The following C11orf65 variants were observed in gnomAD, a reference collection of about 807,000 sequenced individuals.
C11orf65 encodes protein MFI.
C11orf65 carries 38 observed loss-of-function variants against 35.3 expected under a neutral mutation model. The ratio of observed to expected loss-of-function variants is 1.08; its 90% confidence interval spans 0.83 to 1.41. The LOEUF (loss-of-function observed/expected upper bound fraction) is 1.41. Ranked by LOEUF, C11orf65 falls within the 40% of genes most tolerant of loss-of-function variation. The pLI, the probability that C11orf65 is intolerant of heterozygous loss-of-function variation, is 0.00. For missense variants in C11orf65, 370 were observed against 367.1 expected (o/e 1.01, Z -0.06); for synonymous variants, 105 against 114.4 (o/e 0.92, Z 0.53).
rs58165074 is a variant in C11orf65, at chr11:108,316,753, CAAAAA to C, written c.641-7687_641-7683del. On this transcript the variant is annotated intron_variant, in intron 6 of 6. Coordinates refer to the C11orf65 transcript ENST00000525729. The stretch of plus-strand genomic sequence containing the variant: ...TGAAACCCCGTCTCTACTAAAAATA[CAAAAA>C]AAAAAAAAAAAAAAAAAATTAGCCG... Among the ~76,000 whole-genome samples the C allele has an allele frequency of 2.2e-4, 16 of 72,426 alleles. No homozygotes were observed. The South Asian group carries it at 5.3e-3, about 24-fold the overall frequency. 47.5% of individuals were successfully genotyped at this position (72,426 alleles called of 152,430 possible).
At chr11:108,413,077 A>G (rs2092683694) in intron 3 of C11orf65, among the ~76,000 whole-genome samples, 1 of 152,192 alleles carries the variant, frequency 6.6e-6, no homozygotes, top group African/African-American at 2.4e-5. Flanking sequence ...ACTGGATCCA[A>G]TTGACATTTA....
At chr11:108,411,122 T>C (rs548192802) in intron 3 of C11orf65, among the ~76,000 whole-genome samples, 7 of 152,306 alleles carry the variant, frequency 4.6e-5, no homozygotes, top group African/African-American at 1.7e-4. Context: ...CATTTAGAGG[T>C]ATAAATTTCT....
intron 3 of C11orf65, among the ~76,000 whole-genome samples, chr11:108,420,551 A>G (rs2092801047): frequency 6.6e-6 from 1 of 152,184 alleles, no homozygotes; most frequent in East Asian, 1.9e-4. Context: ...GTTCTTTGCA[A>G]TTAGGGTAGA....
rs1446833138 is a variant in C11orf65, at chr11:108,405,517, C to T, written c.472G>A (p.Glu158Lys). 6.2e-7 allele frequency: 1 copy of T among 1,613,402 alleles called. No homozygotes were observed. The highest frequency in any genetic ancestry group is 1.3e-5 in the African/African-American group (1 of 74,904). The stretch of plus-strand genomic sequence containing the variant: ...AGTTTAGAGAAATGGAATTCACTTT[C>T]CTTTTTGTCTTCCACCACCATACCA... The part of the protein sequence containing the change: ...TDGMVVEDKK[E>K]SEFHFSKLKR... Residue 158 changes from glutamate to lysine, a missense_variant, in exon 6 of 9, where the codon GAA becomes AAA. Transcript: ENST00000393084.
At chr11:108,450,707 C>T (rs988991373) in intron 2 of C11orf65, among the ~76,000 whole-genome samples, 10 of 150,864 alleles carry the variant, frequency 6.6e-5, no homozygotes, top group Admixed American at 2.0e-4. Flanking sequence ...TACACCAACA[C>T]GGCACATGTA....
chr11:108,446,686 A>T (rs2093265806), intron 2 of C11orf65, among the ~76,000 whole-genome samples: 1 of 152,128 alleles, frequency 6.6e-6, no homozygotes, highest in Non-Finnish European at 1.5e-5. Flanking sequence ...TCATGCCAAA[A>T]TGTAAAGACC....
chr11:108,366,472 T>A (rs2091337325), intron 2 of C11orf65: 1 of 224,392 alleles, frequency 4.5e-6, no homozygotes, highest in South Asian at 1.8e-4. Context: ...TTCTATTAAA[T>A]TTAGTTCCTG....
chr11:108,438,179 G>A (rs535867189), intron 2 of C11orf65, among the ~76,000 whole-genome samples: 15 of 152,232 alleles, frequency 9.9e-5, no homozygotes, highest in East Asian at 3.9e-4. Context: ...AAATGTATCC[G>A]TGACAATTAT....
At chr11:108,377,432 C>G (rs899049581) in intron 2 of C11orf65, among the ~76,000 whole-genome samples, 197 of 152,134 alleles carry the variant, frequency 1.3e-3, no homozygotes, top group African/African-American at 4.2e-3. Context: ...ATTCAACAAC[C>G]CTTCATGCTA....
chr11:108,374,241 G>C (rs377125416), intron 2 of C11orf65, among the ~76,000 whole-genome samples: 14 of 152,324 alleles, frequency 9.2e-5, no homozygotes, highest in African/African-American at 3.4e-4. Context: ...GCACCCCCCA[G>C]TGGGGCAGAC....
intron 3 of C11orf65, among the ~76,000 whole-genome samples, chr11:108,426,493 AAG>A (rs2092904172): frequency 6.6e-6 from 1 of 152,188 alleles, no homozygotes; most frequent in South Asian, 2.1e-4. Flanking sequence ...TCAAGGAAAT[AAG>A]AGAGGACACA....
chr11:108,324,565 G>C (rs1166211602), intron 6 of C11orf65, among the ~76,000 whole-genome samples: 2 of 152,108 alleles, frequency 1.3e-5, no homozygotes, highest in Non-Finnish European at 2.9e-5. Context: ...GGGTCATTTA[G>C]AGAGGAATTG....
chr11:108,386,154 C>G (rs1247993290), intron 7 of C11orf65, among the ~76,000 whole-genome samples, 179 bp from the exon 8 acceptor site: 3 of 152,202 alleles, frequency 2.0e-5, no homozygotes, highest in Non-Finnish European at 4.4e-5. Context: ...TAAGAACCTT[C>G]AGGACAAGGA....
intron 1 of C11orf65, among the ~76,000 whole-genome samples, chr11:108,463,983 G>A (rs972939561): frequency 2.1e-5 from 3 of 145,920 alleles, no homozygotes; most frequent in Admixed American, 7.1e-5. Context: ...CTGGAGTGCA[G>A]AGACATCATC....
chr11:108,454,799 A>G (rs1016948384), intron 2 of C11orf65, among the ~76,000 whole-genome samples: 2 of 151,994 alleles, frequency 1.3e-5, no homozygotes, highest in African/African-American at 2.4e-5. Flanking sequence ...AGATTTGCCA[A>G]TTTTGTTTAT....
chr11:108,355,046 C>G (rs1195124811), intron 2 of C11orf65: 2 of 626,182 alleles, frequency 3.2e-6, no homozygotes, highest in African/African-American at 3.7e-5. Context: ...TCCAAAAATA[C>G]TGGTTTAGAA....
At chr11:108,312,373 T>C in intron 6 of C11orf65, 1 of 1,451,902 alleles carries the variant, frequency 6.9e-7, no homozygotes. Flanking sequence ...TTCCAAATAG[T>C]ATGTTCTCAT....
chr11:108,348,859 C>G (rs1372255365), intron 2 of C11orf65, among the ~76,000 whole-genome samples: 1 of 152,006 alleles, frequency 6.6e-6, no homozygotes, highest in Non-Finnish European at 1.5e-5. Flanking sequence ...AAGGTAGATG[C>G]TAAGAATCAG....
chr11:108,389,466 C>T (rs578232319), intron 7 of C11orf65, among the ~76,000 whole-genome samples: 4 of 152,130 alleles, frequency 2.6e-5, no homozygotes, highest in Non-Finnish European at 5.9e-5. Flanking sequence ...TAAAACCTTG[C>T]TAAGAGTCCA....
Sources: gnomAD v4.1 joint callset for allele counts (sites outside exome capture counted in the v4.1 genomes callset) on GRCh38, gnomAD v4.1.1 for gene constraint, MANE v1.5 for transcripts, NCBI Gene and HGNC (gene_info 2026-07-23, HGNC 2026-07-21) for gene names.